The following IL1RAPL2 variants were observed in gnomAD, a reference collection of about 807,000 sequenced individuals.
The protein encoded by IL1RAPL2 is X-linked interleukin-1 receptor accessory protein-like 2.
In IL1RAPL2, 3 loss-of-function variants were observed where a neutral mutation model predicts 44.1. The ratio of observed to expected loss-of-function variants is 0.07; its 90% CI spans 0.03 to 0.18. The LOEUF (loss-of-function observed/expected upper bound fraction) is 0.18. Among genes scored for constraint, IL1RAPL2 ranks in the 10% least tolerant of loss-of-function variants. IL1RAPL2 has a pLI of 1.00. For synonymous variants in IL1RAPL2, 181 were observed against 178.8 expected, an observed-to-expected ratio of 1.01 and a Z score of -0.10; for missense variants, 391 against 496.4, an observed-to-expected ratio of 0.79 and a Z score of 2.02.
chrX:105,539,560 C>G (rs905039405), intron 6 of IL1RAPL2, among the ~76,000 whole-genome samples: 1 of 111,620 alleles, frequency 9.0e-6, no homozygotes. Context: ...AGACCTTAAA[C>G]AGTAAGAATC....
At chrX:104,903,939 T>A (rs1461021831) in intron 2 of IL1RAPL2, among the ~76,000 whole-genome samples, 1 of 111,533 alleles carries the variant, frequency 9.0e-6, no homozygotes, top group Non-Finnish European at 1.9e-5. Flanking sequence ...AGTGTTCTGT[T>A]CCAGGTCATA....
chrX:105,073,566 G>A (rs1191649157), intron 2 of IL1RAPL2, among the ~76,000 whole-genome samples: 1 of 110,913 alleles, frequency 9.0e-6, no homozygotes, highest in African/African-American at 3.3e-5. Flanking sequence ...ACCCTGTAAT[G>A]GGCTGGCTGT....
At chrX:104,585,299 T>TAA (rs1928508816) in intron 1 of IL1RAPL2, among the ~76,000 whole-genome samples, 2 of 22,408 alleles carry the variant, frequency 8.9e-5, no homozygotes, top group African/African-American at 5.8e-4. Flanking sequence ...ATATTATATA[T>TAA]TATATATTAT....
intron 5 of IL1RAPL2, among the ~76,000 whole-genome samples, chrX:105,306,494 G>A (rs886159801): frequency 2.7e-5 from 3 of 111,159 alleles, no homozygotes; most frequent in Admixed American, 9.6e-5. Context: ...CATTTCTTAG[G>A]TACCATGTCT....
intron 2 of IL1RAPL2, among the ~76,000 whole-genome samples, chrX:105,083,377 C>G (rs2032438626): frequency 8.9e-6 from 1 of 111,795 alleles, no homozygotes. Flanking sequence ...GGAAAACACT[C>G]TTCAGGATAT....
rs780016134 is a variant in IL1RAPL2 at position 104,832,556 on chromosome X, T to C, written c.82+173561T>C. Among the ~76,000 whole-genome samples, 11 of 111,800 alleles carry C rather than the reference T, an allele frequency of 9.8e-5. No individual in the cohort carries two copies. In the East Asian group the frequency reaches 3.1e-3, roughly 31 times the overall value. On this transcript the variant is annotated intron_variant, in intron 2 of 10. Transcript: ENST00000372582. ...TGATGTATAGAATGGACAGCTTTCT[T>C]CTCTCTACCTTAGACAGATTTTCAT... is the stretch of plus-strand genomic sequence containing the variant.
intron 5 of IL1RAPL2, among the ~76,000 whole-genome samples, chrX:105,420,625 T>C (rs766009542): frequency 1.3e-4 from 15 of 112,065 alleles, no homozygotes; most frequent in African/African-American, 4.9e-4. Context: ...AAACAAAATA[T>C]CCACAGGTTT....
chrX:105,363,308 A>ATATATATAT (rs1491419366), intron 5 of IL1RAPL2, among the ~76,000 whole-genome samples: 3 of 68,554 alleles, frequency 4.4e-5, no homozygotes, highest in African/African-American at 3.8e-4. Context: ...ATATATATAT[A>ATATATATAT]ATATATATAT....
Position 104,657,099 on chromosome X carries a change from C to G in IL1RAPL2, c.-19-1796C>G, listed in dbSNP as rs182813217. ...GAATGTGAGATGGGTCTCCTGAATA[C>G]AGCACACTGATTGGTCTTGACTCTT... On this transcript the variant is annotated intron_variant, in intron 1 of 10. Coordinates refer to ENST00000372582, the MANE Select transcript of IL1RAPL2 (RefSeq NM_017416.2). Among the ~76,000 whole-genome samples the G allele has an allele frequency of 2.7e-5, 3 of 111,171 alleles. No individual in the cohort carries two copies. In the South Asian group the frequency reaches 1.2e-3, roughly 43 times the overall value.
intron 2 of IL1RAPL2, among the ~76,000 whole-genome samples, chrX:104,904,137 A>G (rs1923900852): frequency 1.8e-5 from 2 of 109,902 alleles, no homozygotes; most frequent in African/African-American, 6.6e-5. Flanking sequence ...TTGTAGTATC[A>G]CCAACTAATG....
intron 3 of IL1RAPL2, among the ~76,000 whole-genome samples, chrX:105,216,806 A>G (rs2033862422): frequency 8.9e-6 from 1 of 111,825 alleles, no homozygotes; most frequent in African/African-American, 3.3e-5. Flanking sequence ...CCACACATCT[A>G]CAACCATCTG....
intron 2 of IL1RAPL2, among the ~76,000 whole-genome samples, chrX:104,675,691 C>G (rs1298610279): frequency 2.7e-5 from 3 of 110,682 alleles, no homozygotes; most frequent in South Asian, 3.9e-4. Context: ...CTAATGTTGA[C>G]AGTGGGGTGT....
intron 1 of IL1RAPL2, among the ~76,000 whole-genome samples, chrX:104,592,061 G>GT (rs1435551298): frequency 9.3e-6 from 1 of 107,289 alleles, no homozygotes; most frequent in Non-Finnish European, 1.9e-5. Flanking sequence ...TTGTTTGTTT[G>GT]TTTTTGTAAA....
At chrX:105,080,762 T>G (rs1172733114) in intron 2 of IL1RAPL2, among the ~76,000 whole-genome samples, 1 of 111,861 alleles carries the variant, frequency 8.9e-6, no homozygotes, top group Non-Finnish European at 1.9e-5. Flanking sequence ...AGAAAGTCAG[T>G]GTTAGCTTGA....
chrX:105,203,522 T>TA (rs35055721), intron 3 of IL1RAPL2, among the ~76,000 whole-genome samples: 148 of 109,768 alleles, frequency 1.3e-3, no homozygotes, highest in Non-Finnish European at 2.6e-3. Context: ...AAACTATTTA[T>TA]AAAAAAAAGT....
chrX:105,451,658 T>C (rs938163080), intron 5 of IL1RAPL2, among the ~76,000 whole-genome samples: 7 of 112,084 alleles, frequency 6.2e-5, no homozygotes, highest in Admixed American at 1.9e-4. Context: ...AACATTCTTG[T>C]TTCCCAGATT....
intron 2 of IL1RAPL2, among the ~76,000 whole-genome samples, chrX:104,725,049 G>A (rs976679131): frequency 6.3e-5 from 7 of 110,679 alleles, no homozygotes; most frequent in African/African-American, 2.0e-4. Context: ...CCCCAACCCC[G>A]ACAGGCCCTG....
At chrX:105,243,540 T>C (rs887210124) in intron 4 of IL1RAPL2, among the ~76,000 whole-genome samples, 2 of 73,962 alleles carry the variant, frequency 2.7e-5, no homozygotes, top group African/African-American at 3.2e-4. Context: ...TTCATATATA[T>C]ATGTGTGTAT....
chrX:104,843,640 G>A (rs1306079697), intron 2 of IL1RAPL2, among the ~76,000 whole-genome samples: 3 of 109,632 alleles, frequency 2.7e-5, no homozygotes, highest in Non-Finnish European at 5.7e-5. Flanking sequence ...CCTTGCCTGG[G>A]GGAGGGAGGT....
Sources: allele counts gnomAD v4.1 joint callset (sites outside exome capture counted in the v4.1 genomes callset), GRCh38; gene constraint gnomAD v4.1.1; transcripts MANE v1.5; gene names NCBI Gene and HGNC (gene_info 2026-07-23, HGNC 2026-07-21).